Variants in RTL4 observed in about 807,000 individuals in gnomAD.
The protein encoded by RTL4 is retrotransposon Gag-like protein 4.
RTL4 carries 4 observed loss-of-function variants against 5.3 expected under a neutral mutation model. That is an observed-to-expected ratio of 0.75 (90% CI 0.37 to 1.72). The LOEUF (loss-of-function observed/expected upper bound fraction) is 1.72, where lower values mean the gene tolerates loss of function less well. RTL4 is among the 40% of genes most tolerant of loss of function. The pLI is 0.04. For missense variants in RTL4, 260 were observed against 227.1 expected, an observed-to-expected ratio of 1.14 and a Z score of -0.93; for synonymous variants, 98 against 87.3, an observed-to-expected ratio of 1.12 and a Z score of -0.68.
At chrX:112,190,403 C>T in the RTL4 span, among the ~76,000 whole-genome samples, 5 of 110,483 alleles carry the variant, frequency 4.5e-5, no homozygotes, top group East Asian at 1.4e-3. Flanking sequence ...AGTAGAAAGG[C>T]CACATGGGAA....
At chrX:112,085,168 A>G in the RTL4 span, among the ~76,000 whole-genome samples, 1 of 111,556 alleles carries the variant, frequency 9.0e-6, no homozygotes, top group Non-Finnish European at 1.9e-5. Context: ...CTGGTTTTCC[A>G]CTTGGTGGCT....
At chrX:112,134,042 C>T in the RTL4 span, among the ~76,000 whole-genome samples, 1 of 112,264 alleles carries the variant, frequency 8.9e-6, no homozygotes, top group Non-Finnish European at 1.9e-5. Context: ...AAAAATTAGT[C>T]GCATAGCAGA....
At chrX:112,355,748 AGT>A in the RTL4 span, among the ~76,000 whole-genome samples, 2 of 111,365 alleles carry the variant, frequency 1.8e-5, no homozygotes, top group Non-Finnish European at 3.8e-5. Context: ...ACCTTGAGTT[AGT>A]TGGTGAACCT....
At chrX:112,236,130 C>T in the RTL4 span, among the ~76,000 whole-genome samples, 1 of 109,445 alleles carries the variant, frequency 9.1e-6, no homozygotes, top group African/African-American at 3.3e-5. Flanking sequence ...TTTAAATAAA[C>T]ATAGAAGCTC....
the RTL4 span, among the ~76,000 whole-genome samples, chrX:112,229,798 A>T: frequency 6.2e-5 from 7 of 112,256 alleles, no homozygotes; most frequent in Admixed American, 9.4e-5. Context: ...GGTCCACTCC[A>T]GACCCTGTTT....
At chrX:112,246,107 C>T in the RTL4 span, among the ~76,000 whole-genome samples, 24 of 111,885 alleles carry the variant, frequency 2.1e-4, no homozygotes, top group South Asian at 5.7e-3. Context: ...TCAGAGGGCA[C>T]CTGGCTGTAT....
chrX:112,326,619 A>AGCAGCC, the RTL4 span, among the ~76,000 whole-genome samples: 2 of 112,049 alleles, frequency 1.8e-5, no homozygotes, highest in African/African-American at 6.5e-5. Flanking sequence ...AGGTAAACAA[A>AGCAGCC]GCAGCCGGGA....
chrX:112,295,387 A>G, the RTL4 span, among the ~76,000 whole-genome samples: 1 of 111,842 alleles, frequency 8.9e-6, no homozygotes, highest in African/African-American at 3.3e-5. Flanking sequence ...GGTTCCTTTT[A>G]CCACTCCCAC....
At chrX:112,330,494 AG>A in the RTL4 span, among the ~76,000 whole-genome samples, 1 of 110,932 alleles carries the variant, frequency 9.0e-6, no homozygotes, top group East Asian at 2.8e-4. Flanking sequence ...TCACTGCTCA[AG>A]GAAATAAAAG....
chrX:112,283,291 CT>C, the RTL4 span, among the ~76,000 whole-genome samples: 17 of 111,615 alleles, frequency 1.5e-4, no homozygotes, highest in South Asian at 1.1e-3. Context: ...ACTCATTCAC[CT>C]TTTTTGGACA....
the RTL4 span, among the ~76,000 whole-genome samples, chrX:112,200,895 G>A: frequency 8.9e-6 from 1 of 111,897 alleles, no homozygotes; most frequent in Admixed American, 9.5e-5. Flanking sequence ...GGAATTCAGA[G>A]AGTGTACAAA....
At chrX:112,341,839 T>C in the RTL4 span, among the ~76,000 whole-genome samples, 3 of 111,454 alleles carry the variant, frequency 2.7e-5, no homozygotes, top group East Asian at 5.7e-4. Context: ...CAGTAAACTT[T>C]TGATGCAATT....
the RTL4 span, among the ~76,000 whole-genome samples, chrX:112,084,197 A>G: frequency 9.0e-6 from 1 of 110,969 alleles, no homozygotes; most frequent in Non-Finnish European, 1.9e-5. Context: ...GGTAGTAGCT[A>G]TGTTTAGTGG....
chrX:112,085,453 G>A, the RTL4 span, among the ~76,000 whole-genome samples: 2 of 112,249 alleles, frequency 1.8e-5, no homozygotes, highest in Non-Finnish European at 3.8e-5. Flanking sequence ...AACATCGTAG[G>A]TGAAGAGAAA....
the RTL4 span, chrX:112,381,848 C>T: frequency 1.7e-6 from 2 of 1,208,261 alleles, no homozygotes; most frequent in Non-Finnish European, 2.2e-6. Flanking sequence ...GAAAAGATTA[C>T]TGGAGAAACA....
At chrX:112,116,145 C>G in the RTL4 span, among the ~76,000 whole-genome samples, 5 of 112,112 alleles carry the variant, frequency 4.5e-5, no homozygotes, top group South Asian at 3.7e-4. Flanking sequence ...CTAGTTGCTT[C>G]TAACTGGCTG....
the RTL4 span, among the ~76,000 whole-genome samples, chrX:112,419,392 A>C: frequency 1.8e-5 from 1 of 54,510 alleles, no homozygotes; most frequent in Non-Finnish European, 3.0e-5. Context: ...ACGGAGTCTC[A>C]CTCTGTCACC....
the RTL4 span, among the ~76,000 whole-genome samples, chrX:112,368,327 A>T: frequency 8.9e-6 from 1 of 111,739 alleles, no homozygotes; most frequent in Non-Finnish European, 1.9e-5. Flanking sequence ...GAGAAAAAAG[A>T]ATCAGAGATA....
chrX:112,168,738 T>C, the RTL4 span, among the ~76,000 whole-genome samples: 1 of 112,127 alleles, frequency 8.9e-6, no homozygotes, highest in South Asian at 3.7e-4. Flanking sequence ...TGCCCATCCC[T>C]TTCCTGAAAA....
Sources: gnomAD v4.1 joint callset for allele counts (sites outside exome capture counted in the v4.1 genomes callset) on GRCh38, gnomAD v4.1.1 for gene constraint, MANE v1.5 for transcripts, NCBI Gene and HGNC (gene_info 2026-07-23, HGNC 2026-07-21) for gene names.